The following FAM222B variants were observed in gnomAD, a reference collection of about 807,000 sequenced individuals.
The protein encoded by FAM222B is family with sequence similarity 222 member B, also known as protein FAM222B.
A neutral mutation model predicts 38.0 loss-of-function variants in FAM222B; 12 were observed. That is an observed-to-expected ratio of 0.32 (90% CI 0.20 to 0.51). The LOEUF (loss-of-function observed/expected upper bound fraction) is 0.51, where lower values mean the gene tolerates loss of function less well. FAM222B is among the 20% of genes least tolerant of loss of function. The probability of loss-of-function intolerance (pLI) is 0.97; values close to 1 mark genes in which losing one functional copy is unlikely to be tolerated. For synonymous variants in FAM222B, 329 were observed against 317.2 expected (o/e 1.04, Z -0.40); for missense variants, 716 against 754.2 (o/e 0.95, Z 0.59).
intron 1 of FAM222B, among the ~76,000 whole-genome samples, chr17:28,823,415 G>A (rs550348395): frequency 2.0e-5 from 3 of 150,870 alleles, no homozygotes; most frequent in South Asian, 4.2e-4. Flanking sequence ...GAGTGCAGTG[G>A]TGCAATTAGG....
chr17:28,854,043 A>C (rs2039205107), intron 1 of FAM222B, among the ~76,000 whole-genome samples: 1 of 147,240 alleles, frequency 6.8e-6, no homozygotes, highest in Admixed American at 7.0e-5. Context: ...TCCCAGGTTC[A>C]CGCCATTCTC....
chr17:28,820,894 G>A (rs2038190090), intron 1 of FAM222B, among the ~76,000 whole-genome samples: 2 of 151,568 alleles, frequency 1.3e-5, no homozygotes, highest in Non-Finnish European at 2.9e-5. Context: ...ACCTGCCTCA[G>A]CCTCCAAAGT....
In FAM222B at chr17:28,849,217, C is replaced by G. The variant is rs575518869; in HGVS notation, c.-41+5733G>C. On this transcript the variant is annotated intron_variant, in intron 1 of 2. Transcript: ENST00000577513. ...CGGAGCTTGCAGTGAGCCGAGATTG[C>G]GCCACTGCACTCCAGCCTGGGAGAC... is the stretch of plus-strand genomic sequence containing the variant. 2.0e-5 allele frequency: 3 copies of G among 149,196 alleles called. No homozygotes were observed. In the East Asian group the frequency reaches 5.9e-4, roughly 29 times the overall value. 9.2% of individuals were successfully genotyped at this position (149,196 alleles called of 1,614,324 possible). A position where few individuals can be genotyped will look rare whatever the true frequency, so the allele number is the denominator to read the frequency against.
intron 1 of FAM222B, among the ~76,000 whole-genome samples, chr17:28,820,903 G>C (rs891199334): frequency 5.9e-5 from 9 of 151,392 alleles, no homozygotes; most frequent in African/African-American, 2.2e-4. Context: ...AGCCTCCAAA[G>C]TGCTGGGATT....
chr17:28,786,455 A>C (rs879447318), intron 1 of FAM222B, among the ~76,000 whole-genome samples: 3 of 152,200 alleles, frequency 2.0e-5, no homozygotes, highest in Admixed American at 2.0e-4. Context: ...CTAATGATGG[A>C]ATAGTTACCT....
chr17:28,831,002 T>G (rs2038650088), intron 1 of FAM222B, among the ~76,000 whole-genome samples: 2 of 147,018 alleles, frequency 1.4e-5, no homozygotes, highest in Non-Finnish European at 1.5e-5. Context: ...TTTTTTTTTT[T>G]TTTTTTTTTT....
chr17:28,763,591 C>G (rs909472162), intron 2 of FAM222B, among the ~76,000 whole-genome samples: 1 of 152,244 alleles, frequency 6.6e-6, no homozygotes. Context: ...ACAGGAACCT[C>G]TATCTGTAGG....
chr17:28,834,189 A>C (rs926799513), intron 1 of FAM222B: 1 of 152,158 alleles, frequency 6.6e-6, no homozygotes, highest in African/African-American at 2.4e-5. Context: ...CCATTCTCCC[A>C]ACCAACTAGT....
rs2038792448 is a variant in FAM222B, at chr17:28,835,024, T to TGTGTG, written c.-41+7657_-41+7658insCACAC. On this transcript the variant is annotated intron_variant, in intron 1 of 2. Transcript: ENST00000581407. ...CGCCCACCACTACACTCAGCTAATT[T>TGTGTG]TGTGTGTGTGTGTGTGTGTGTGTGT... 7.6e-3 allele frequency among the ~76,000 whole-genome samples: 1,010 copies of TGTGTG among 132,108 alleles called. 9 individuals are homozygous for TGTGTG. The highest frequency in any genetic ancestry group is 0.013 in the Admixed American group (160 of 12,690). 86.7% of individuals were successfully genotyped at this position (132,108 alleles called of 152,430 possible). A position where few individuals can be genotyped will look rare whatever the true frequency, so the allele number is the denominator to read the frequency against.
intron 1 of FAM222B, among the ~76,000 whole-genome samples, chr17:28,794,243 G>C (rs2036836077): frequency 6.7e-6 from 1 of 149,284 alleles, no homozygotes; most frequent in South Asian, 2.1e-4. Flanking sequence ...TTTGGAGACA[G>C]AGTCTTGCTC....
At chr17:28,845,034 G>T (rs1274748863), upstream of FAM222B, among the ~76,000 whole-genome samples, 3 of 151,478 alleles carry the variant, frequency 2.0e-5, no homozygotes, top group African/African-American at 7.3e-5. Context: ...ACCCAGGAAC[G>T]GAGGTTACAA....
intron 1 of FAM222B, among the ~76,000 whole-genome samples, chr17:28,777,589 T>C (rs1331057307): frequency 6.6e-6 from 1 of 152,178 alleles, no homozygotes. Context: ...AGGGGCAAGA[T>C]TATTCAGACA....
At chr17:28,842,428 TGGAG>T (rs769133256) in intron 1 of FAM222B, among the ~76,000 whole-genome samples, 44 of 152,120 alleles carry the variant, frequency 2.9e-4, no homozygotes, top group Non-Finnish European at 5.9e-4. Context: ...CAAAAGCTCC[TGGAG>T]GAAGGGATGA....
intron 1 of FAM222B, among the ~76,000 whole-genome samples, chr17:28,796,577 C>T (rs73262473): frequency 1.6e-3 from 237 of 152,256 alleles, no homozygotes; most frequent in African/African-American, 5.3e-3. Context: ...CATGTGCCAC[C>T]AGTGTGTAGT....
chr17:28,778,701 A>G (rs1435061356), intron 1 of FAM222B, among the ~76,000 whole-genome samples: 37 of 61,594 alleles, frequency 6.0e-4, no homozygotes, highest in Non-Finnish European at 8.2e-4. Flanking sequence ...GTGTGTGTAT[A>G]TATATATATA....
Position 28,756,304 on chromosome 17 carries a change from G to T in FAM222B, c.*1966C>A, listed in dbSNP as rs187425273. On this transcript the variant is annotated 3_prime_UTR_variant, in exon 3 of 3. Transcript: ENST00000581407. Reference sequence around the variant, plus strand: ...ACAGTACATTTTCCATGCAGACTAAGGGTGGGAGTGAGAGCTTCAGAGGCT... The same window carrying T: ...ACAGTACATTTTCCATGCAGACTAATGGTGGGAGTGAGAGCTTCAGAGGCT... 1 of 152,646 alleles carries T rather than the reference G, an allele frequency of 6.6e-6. No homozygotes were observed. The highest frequency in any genetic ancestry group is 6.5e-5 in the Admixed American group (1 of 15,280). The allele number at this position is 152,646 out of a possible 1,614,324, so 9.5% of individuals were successfully genotyped here.
Position 28,847,870 on chromosome 17 carries a change from C to T in FAM222B, c.-41+7080G>A, listed in dbSNP as rs1294483058. 2.7e-5 allele frequency among the ~76,000 whole-genome samples: 4 copies of T among 150,236 alleles called. 1 individual carries two copies. In the Admixed American group the frequency reaches 2.7e-4, roughly 10 times the overall value. On this transcript the variant is annotated intron_variant, in intron 1 of 2. Coordinates refer to the FAM222B transcript ENST00000577513. ...CGGAGCTTGCAGTGAGCCGAGATAG[C>T]GCCACTGTACTCCGGCCTGGGCGAA...
At chr17:28,766,462 A>AT in intron 2 of FAM222B, 124 bp downstream of exon 2, 1 of 768,470 alleles carries the variant, frequency 1.3e-6, no homozygotes, top group Non-Finnish European at 2.1e-6. Context: ...CGTCTTAAAA[A>AT]AAAAAAAAAA....
At chr17:28,809,246 G>C (rs2037628989) in intron 1 of FAM222B, among the ~76,000 whole-genome samples, 2 of 151,998 alleles carry the variant, frequency 1.3e-5, no homozygotes, top group South Asian at 4.1e-4. Context: ...AGCTACTCAG[G>C]AGGCTGAGGC....
Sources: allele counts gnomAD v4.1 joint callset (sites outside exome capture counted in the v4.1 genomes callset), GRCh38; gene constraint gnomAD v4.1.1; transcripts MANE v1.5; gene names NCBI Gene and HGNC (gene_info 2026-07-23, HGNC 2026-07-21).